Variants in CNTN5 observed in about 807,000 individuals in gnomAD.
CNTN5 encodes contactin-5.
Under a neutral mutation model 129.1 loss-of-function variants are expected in CNTN5, and 77 were observed. The ratio of observed to expected loss-of-function variants is 0.60; its 90% confidence interval spans 0.50 to 0.72. CNTN5 has a LOEUF of 0.72. CNTN5 is among the 30% of genes least tolerant of loss of function. The pLI is 0.00. For synonymous variants in CNTN5, 509 were observed against 465.6 expected (o/e 1.09, Z -1.20); for missense variants, 1,478 against 1,328.8 (o/e 1.11, Z -1.75).
intron 1 of CNTN5, among the ~76,000 whole-genome samples, chr11:99,171,279 A>C (rs530074147): frequency 6.6e-6 from 1 of 152,266 alleles, no homozygotes; most frequent in South Asian, 2.1e-4. Context: ...CCACACACAA[A>C]ATTTGCATAG....
At chr11:100,161,866 CACACACAAAACAA>C (rs1199306072) in intron 13 of CNTN5, among the ~76,000 whole-genome samples, 4 of 129,180 alleles carry the variant, frequency 3.1e-5, no homozygotes, top group Admixed American at 8.6e-5. Context: ...CACACACACA[CACACACAAAACAA>C]AAAACAAAAA....
At chr11:99,425,566 A>G (rs1439661273) in intron 2 of CNTN5, among the ~76,000 whole-genome samples, 1 of 151,828 alleles carries the variant, frequency 6.6e-6, no homozygotes, top group African/African-American at 2.4e-5. Flanking sequence ...ATGTGTGCAC[A>G]CTCCCTGGTT....
intron 2 of CNTN5, among the ~76,000 whole-genome samples, chr11:99,502,333 A>T (rs1433022663): frequency 6.6e-6 from 1 of 152,046 alleles, no homozygotes; most frequent in Admixed American, 6.6e-5. Flanking sequence ...TTGTGTCCCC[A>T]CCCAAATCTC....
intron 1 of CNTN5, among the ~76,000 whole-genome samples, chr11:99,232,854 T>A (rs747242119): frequency 3.9e-5 from 6 of 152,184 alleles, no homozygotes; most frequent in African/African-American, 1.4e-4. Context: ...GATTTCCCAA[T>A]TGAATTCATC....
chr11:100,198,799 T>C (rs899551229), intron 15 of CNTN5, among the ~76,000 whole-genome samples: 2 of 151,910 alleles, frequency 1.3e-5, no homozygotes, highest in Non-Finnish European at 2.9e-5. Context: ...TAAGGAAACA[T>C]GCCTGATTCA....
intron 1 of CNTN5, among the ~76,000 whole-genome samples, chr11:99,149,140 A>C (rs928530303): frequency 6.6e-6 from 1 of 152,190 alleles, no homozygotes; most frequent in Non-Finnish European, 1.5e-5. Context: ...AAGGATGAAC[A>C]TTTTAGCTAC....
chr11:100,336,957 G>A (rs1230757028), intron 21 of CNTN5: 5 of 709,578 alleles, frequency 7.0e-6, no homozygotes, highest in Non-Finnish European at 1.0e-5. Flanking sequence ...ACCTTCTTAG[G>A]CAGAAAAGAA....
intron 1 of CNTN5, among the ~76,000 whole-genome samples, chr11:99,192,979 C>T (rs1858722051): frequency 6.6e-6 from 1 of 151,974 alleles, no homozygotes; most frequent in Admixed American, 6.6e-5. Flanking sequence ...CTATGAGTAA[C>T]ACTTGAGAAA....
intron 6 of CNTN5, among the ~76,000 whole-genome samples, chr11:99,912,115 T>C (rs1949676243): frequency 6.7e-6 from 1 of 149,846 alleles, no homozygotes; most frequent in South Asian, 2.1e-4. Flanking sequence ...ATGAAAAGAG[T>C]AACTGAAGAA....
rs774932237 is a variant in CNTN5, at chr11:100,340,535, G to A, written c.2803G>A (p.Val935Ile). The A allele has an allele frequency of 1.1e-5, 17 of 1,612,986 alleles. No homozygotes were observed. The Middle Eastern group carries it at 4.9e-4, about 47-fold the overall frequency. ...CAAAACTAGAGGGAATGAGTCTTTC[G>A]TCATCCTAACAGGATTAGAAGGAAA... Reference protein sequence around the residue: ...TVKTRGNESFVILTGLEGNTL... With the variant: ...TVKTRGNESFIILTGLEGNTL... The change falls in exon 22 of 25, where the codon GTC becomes ATC. Residue 935 changes from valine to isoleucine, a missense_variant. Transcript: ENST00000524871.
At chr11:100,344,133 G>A (rs1303447907) in intron 23 of CNTN5, among the ~76,000 whole-genome samples, 1 of 152,040 alleles carries the variant, frequency 6.6e-6, no homozygotes, top group Non-Finnish European at 1.5e-5. Flanking sequence ...TTTGCAAGCA[G>A]AAAGGATCAC....
intron 1 of CNTN5, among the ~76,000 whole-genome samples, chr11:99,126,789 T>C (rs1940513): frequency 0.062 from 9,400 of 152,294 alleles, 316 homozygotes; most frequent in African/African-American, 0.085. Context: ...TTCTCTCTAA[T>C]AGATATGTAG....
At chr11:100,036,250 T>G (rs1471190399) in intron 9 of CNTN5, among the ~76,000 whole-genome samples, 4 of 152,124 alleles carry the variant, frequency 2.6e-5, no homozygotes, top group Non-Finnish European at 5.9e-5. Flanking sequence ...CTTGTTTTTG[T>G]CAGGTTTGTC....
intron 3 of CNTN5, among the ~76,000 whole-genome samples, chr11:99,731,168 G>A (rs1943520014): frequency 6.6e-6 from 1 of 151,884 alleles, no homozygotes; most frequent in Non-Finnish European, 1.5e-5. Flanking sequence ...GAGTGCAGTG[G>A]CGCGATCTCG....
intron 3 of CNTN5, among the ~76,000 whole-genome samples, chr11:99,557,369 T>C (rs1352172107): frequency 6.6e-6 from 1 of 151,380 alleles, no homozygotes; most frequent in East Asian, 1.9e-4. Context: ...TATTTACATA[T>C]GATCACTAAT....
chr11:99,644,827 A>G (rs1951892762), intron 3 of CNTN5, among the ~76,000 whole-genome samples: 1 of 152,146 alleles, frequency 6.6e-6, no homozygotes, highest in Non-Finnish European at 1.5e-5. Context: ...GAACTATACA[A>G]CAGGATTCCT....
intron 6 of CNTN5, among the ~76,000 whole-genome samples, chr11:99,846,143 C>CAT (rs1947688479): frequency 6.6e-6 from 1 of 151,078 alleles, no homozygotes; most frequent in East Asian, 2.0e-4. Flanking sequence ...CACACACACA[C>CAT]ACACACACAC....
intron 3 of CNTN5, among the ~76,000 whole-genome samples, chr11:99,589,568 A>C (rs1167314784): frequency 1.3e-5 from 2 of 152,236 alleles, no homozygotes; most frequent in Non-Finnish European, 2.9e-5. Context: ...TTCTATAGTG[A>C]ATACACATGT....
At chr11:99,705,879 A>G (rs1954733792) in intron 3 of CNTN5, among the ~76,000 whole-genome samples, 1 of 151,438 alleles carries the variant, frequency 6.6e-6, no homozygotes, top group Non-Finnish European at 1.5e-5. Context: ...TCTAATAAGG[A>G]ATACAGACCA....
Sources: gnomAD v4.1 joint callset for allele counts (sites outside exome capture counted in the v4.1 genomes callset) on GRCh38, gnomAD v4.1.1 for gene constraint, MANE v1.5 for transcripts, NCBI Gene and HGNC (gene_info 2026-07-23, HGNC 2026-07-21) for gene names.